Variants in TAF3 observed in about 807,000 individuals in gnomAD.
TAF3 encodes transcription initiation factor TFIID subunit 3.
Under a neutral mutation model 80.6 loss-of-function variants are expected in TAF3, and 7 were observed. The ratio of observed to expected loss-of-function variants is 0.09; its 90% CI spans 0.05 to 0.16. The LOEUF (loss-of-function observed/expected upper bound fraction) is 0.16, where lower values mean the gene tolerates loss of function less well. TAF3 is among the 10% of genes least tolerant of loss of function. The pLI, the probability that TAF3 is intolerant of heterozygous loss-of-function variation, is 1.00. For synonymous variants in TAF3, 444 were observed against 446.1 expected (o/e 1.00, Z 0.06); for missense variants, 921 against 1,140.2 (o/e 0.81, Z 2.77).
intron 2 of TAF3, among the ~76,000 whole-genome samples, chr10:7,838,921 T>TGG (rs1423909953): frequency 1.4e-5 from 2 of 141,146 alleles, no homozygotes; most frequent in African/African-American, 2.6e-5. Flanking sequence ...TTTTTTTTTT[T>TGG]TTGGTTTGTT....
At chr10:7,962,181 C>T (rs531275866) in intron 2 of TAF3, among the ~76,000 whole-genome samples, 1 of 152,310 alleles carries the variant, frequency 6.6e-6, no homozygotes, top group East Asian at 1.9e-4. Flanking sequence ...GTGTTTGAGT[C>T]CTTGCTCAAG....
At chr10:7,861,210 C>T (rs1234917003) in intron 2 of TAF3, among the ~76,000 whole-genome samples, 7 of 152,104 alleles carry the variant, frequency 4.6e-5, no homozygotes, top group African/African-American at 1.4e-4. Flanking sequence ...GTGATCCGCC[C>T]GTCTTGGCCT....
intron 4 of TAF3, among the ~76,000 whole-genome samples, chr10:7,988,672 G>A (rs1478890134): frequency 2.9e-5 from 4 of 140,226 alleles, no homozygotes; most frequent in Admixed American, 1.5e-4. Context: ...GACCACTTGA[G>A]CCCAGGAGTT....
At chr10:7,994,977 G>GAAAAAAAAAAAAAAAA in intron 4 of TAF3, among the ~76,000 whole-genome samples, 1 of 97,662 alleles carries the variant, frequency 1.0e-5, no homozygotes, top group South Asian at 3.5e-4. Flanking sequence ...CTCAAAAAAA[G>GAAAAAAAAAAAAAAAA]AAAAAAAAAA....
Position 7,964,245 on chromosome 10 carries a change from G to A in TAF3, c.735G>A (p.Glu245=). ...DSTDLAPPSP[E]PPMLAPVAKS... ...CAGACTTGGCACCTCCCTCACCCGA[G>A]CCGCCAATGTTGGCTCCAGTTGCAA... Residue 245 remains glutamate (E), a synonymous_variant, in exon 3 of 7, where the codon GAG becomes GAA. Transcript: ENST00000344293. This position sits in a 1 kb window ranked among gnomAD's most constrained non-coding sequence, Gnocchi z 4.1. 6.2e-7 allele frequency: 1 copy of A among 1,614,160 alleles called. No individual in the cohort carries two copies. Among genetic ancestry groups the A allele is most frequent in the Non-Finnish European group, 8.5e-7 (1 of 1,180,038 alleles).
chr10:7,975,849 G>GT (rs1831668002), intron 3 of TAF3, among the ~76,000 whole-genome samples: 1 of 152,134 alleles, frequency 6.6e-6, no homozygotes, highest in Non-Finnish European at 1.5e-5. Context: ...CAATTATGAT[G>GT]TAATTCATGA....
At chr10:7,941,778 C>T (rs1177850401) in intron 2 of TAF3, among the ~76,000 whole-genome samples, 1 of 152,108 alleles carries the variant, frequency 6.6e-6, no homozygotes, top group Non-Finnish European at 1.5e-5. Flanking sequence ...GTTGTGGTAG[C>T]TGGGTTTTTA....
At position 7,967,372 on chromosome 10, in the gene TAF3, T is replaced by A. The variant is rs147500063; in HGVS notation, c.2232+1630T>A. Among the ~76,000 whole-genome samples the A allele has an allele frequency of 1.2e-3, 189 of 152,196 alleles. 1 individual carries two copies. Among genetic ancestry groups the A allele is most frequent in the African/African-American group, 4.3e-3 (178 of 41,488 alleles). ...TATGAATTTGAGTGAAGCCATCAGA[T>A]TAGGTTTGTAACAGCAGTCCCATGC... On this transcript the variant is annotated intron_variant, in intron 3 of 6. Transcript: ENST00000344293.
intron 2 of TAF3, among the ~76,000 whole-genome samples, chr10:7,955,866 A>C (rs764941001): frequency 1.3e-5 from 2 of 152,152 alleles, no homozygotes; most frequent in Non-Finnish European, 2.9e-5. Context: ...GGAAAATTGA[A>C]ATGGAGTTTG....
At position 7,964,165 on chromosome 10, in the gene TAF3, A is replaced by G. The variant is rs1171815633; in HGVS notation, c.655A>G (p.Ile219Val). The G allele has an allele frequency of 6.2e-7, 1 of 1,614,232 alleles. No homozygotes were observed. Residue 219 changes from isoleucine (I) to valine (V), a missense_variant, in exon 3 of 7, where the codon ATA (isoleucine) becomes GTA (valine). By Grantham distance (29) the Ile-to-Val change is conservative. Around this residue, in one of 6 missense-constraint regions of TAF3, gnomAD observed 743 missense variants for 821.0 expected, o/e 0.90. Transcript: ENST00000344293. This position sits in a 1 kb window ranked among gnomAD's most constrained non-coding sequence, Gnocchi z 4.1. ...GGAAGCTCGAGAGCCACTCAGCTCAATAAATACTCAAAAGATCCCACCAAT... is the reference window on the plus strand; with the variant it reads ...GGAAGCTCGAGAGCCACTCAGCTCAGTAAATACTCAAAAGATCCCACCAAT... ...LLEAREPLSS[I>V]NTQKIPPMLS...
chr10:7,986,706 C>A (rs1234453406), intron 4 of TAF3, among the ~76,000 whole-genome samples: 1 of 152,094 alleles, frequency 6.6e-6, no homozygotes, highest in African/African-American at 2.4e-5. Context: ...CACAAATGGT[C>A]AGGTCAGTAG....
intron 2 of TAF3, among the ~76,000 whole-genome samples, chr10:7,867,338 G>A (rs1186133308): frequency 6.6e-6 from 1 of 152,172 alleles, no homozygotes; most frequent in African/African-American, 2.4e-5. Context: ...AAATTATTTT[G>A]TATTTTAGAG....
In TAF3 at chr10:7,849,735, A is replaced by G. The variant is rs1007731741; in HGVS notation, c.409+25175A>G. ...CACTCTGTCACCCAGGCTGGAGTGCAGTGGCACGATCTTGGCTCACTGCAA... is the reference window on the plus strand; with the variant it reads ...CACTCTGTCACCCAGGCTGGAGTGCGGTGGCACGATCTTGGCTCACTGCAA... On this transcript the variant is annotated intron_variant, in intron 2 of 6. Transcript: ENST00000344293. 6.6e-5 allele frequency among the ~76,000 whole-genome samples: 10 copies of G among 150,924 alleles called. No homozygotes were observed. The South Asian group carries it at 2.1e-3, about 32-fold the overall frequency.
At position 8,009,121 on chromosome 10, in the gene TAF3, C is replaced by A. The variant is rs761432840; in HGVS notation, c.2359C>A (p.Pro787Thr). The A allele has an allele frequency of 1.9e-6, 3 of 1,600,298 alleles. No individual in the cohort carries two copies. Among genetic ancestry groups the A allele is most frequent in the Non-Finnish European group, 2.6e-6 (3 of 1,174,296 alleles). ...CCCTGCCCCCGAGGCCAAGCCGGCG[C>A]CCTCGCAGAACAGGCCGAAGACCCC... ...VVPAPEAKPAPSQNRPKTPPP... is the reference protein window; with the variant it reads ...VVPAPEAKPATSQNRPKTPPP... Residue 787 changes from proline to threonine, a missense_variant, in exon 5 of 7, where the codon CCC (proline) becomes ACC (threonine). Around this residue, in one of 6 missense-constraint regions of TAF3, gnomAD observed 743 missense variants for 821.0 expected, o/e 0.90. Coordinates refer to ENST00000344293, the MANE Select transcript of TAF3 (RefSeq NM_031923.4). This position sits in a 1 kb window ranked among gnomAD's most constrained non-coding sequence, Gnocchi z 4.1.
At chr10:7,955,112 G>C (rs938030070) in intron 2 of TAF3, among the ~76,000 whole-genome samples, 1 of 152,220 alleles carries the variant, frequency 6.6e-6, no homozygotes, top group Non-Finnish European at 1.5e-5. Flanking sequence ...TCAAGGAACT[G>C]GTTACAATAA....
chr10:7,831,553 C>T (rs1400089473), intron 2 of TAF3, among the ~76,000 whole-genome samples: 2 of 152,152 alleles, frequency 1.3e-5, no homozygotes, highest in African/African-American at 4.8e-5. Flanking sequence ...ACCATGTTGG[C>T]CAGGCTGGTC....
rs58825999 is a variant in TAF3, at chr10:7,988,572, C to CAAAAAAAAAAAAA, written c.2315+11266_2315+11278dup. Among the ~76,000 whole-genome samples the CAAAAAAAAAAAAA allele has an allele frequency of 8.9e-4, 44 of 49,280 alleles. 5 individuals are homozygous for CAAAAAAAAAAAAA. Among genetic ancestry groups the CAAAAAAAAAAAAA allele is most frequent in the Non-Finnish European group, 1.3e-3 (33 of 25,756 alleles). The allele number at this position is 49,280 out of a possible 152,430, so 32.3% of individuals were successfully genotyped here. On this transcript the variant is annotated intron_variant, in intron 4 of 6. Coordinates refer to ENST00000344293, the MANE Select transcript of TAF3 (RefSeq NM_031923.4). Reference sequence around the variant, plus strand: ...TGGGCAACAGAGTGAGACCCTGTCTCAAAAAAAAAAAAAAAAAAAAAAAAA... The same window carrying CAAAAAAAAAAAAA: ...TGGGCAACAGAGTGAGACCCTGTCTCAAAAAAAAAAAAAAAAAAAAAAAAAAAAAAAAAAAAAA...
chr10:7,853,652 A>G (rs12570395), intron 2 of TAF3, among the ~76,000 whole-genome samples: 26,857 of 152,186 alleles, frequency 0.18, 2,796 homozygotes, highest in East Asian at 0.52. Context: ...GAGGTCAGCA[A>G]ACTGCCTGGC....
intron 2 of TAF3, among the ~76,000 whole-genome samples, chr10:7,946,207 A>T (rs1465953698): frequency 6.6e-6 from 1 of 152,100 alleles, no homozygotes; most frequent in African/African-American, 2.4e-5. Context: ...ACTCTTTCCC[A>T]TGATCCATGA....
Sources: gnomAD v4.1 joint callset for allele counts (sites outside exome capture counted in the v4.1 genomes callset) on GRCh38, gnomAD v4.1.1 for gene constraint, gnomAD v4.1.1 regional missense constraint, Gnocchi (gnomAD v3.1) non-coding constraint, MANE v1.5 for transcripts, NCBI Gene and HGNC (gene_info 2026-07-23, HGNC 2026-07-21) for gene names.